FBLN1: variants seen among roughly 807,000 people sequenced by gnomAD.
FBLN1 encodes fibulin-1.
FBLN1 carries 34 observed loss-of-function variants against 89.7 expected under a neutral mutation model. That is an observed-to-expected ratio of 0.38 (90% confidence interval 0.29 to 0.50). The LOEUF is 0.50. Among genes scored for constraint, FBLN1 ranks in the 20% least tolerant of loss-of-function variants. FBLN1 has a pLI of 0.92. For missense variants in FBLN1, 777 were observed against 988.1 expected, an observed-to-expected ratio of 0.79 and a Z score of 2.86; for synonymous variants, 393 against 391.3, an observed-to-expected ratio of 1.00 and a Z score of -0.05.
intron 1 of FBLN1, among the ~76,000 whole-genome samples, chr22:45,515,551 G>A (rs1236605549): frequency 6.6e-6 from 1 of 152,210 alleles, no homozygotes; most frequent in Non-Finnish European, 1.5e-5. Flanking sequence ...GGCTACGGGA[G>A]CCTGCCCTTC....
Position 45,549,942 on chromosome 22 carries a change from T to C in FBLN1, c.1574-550T>C, listed in dbSNP as rs937188460. 1.3e-5 allele frequency among the ~76,000 whole-genome samples: 2 copies of C among 152,172 alleles called. No homozygotes were observed. The highest frequency in any genetic ancestry group is 4.8e-5 in the African/African-American group (2 of 41,444). On this transcript the variant is annotated intron_variant, in intron 13 of 16. Coordinates refer to ENST00000327858, the MANE Select transcript of FBLN1 (RefSeq NM_006486.3). The surrounding 1 kb of genome is among the most constrained non-coding windows in gnomAD (Gnocchi z 5.7). ...TCGAAGGCTGTTTTTCTCATTGTTG[T>C]GTGGAGCTAGCAGCTCCTGCCCTTT...
At chr22:45,535,061 A>G in intron 7 of FBLN1, 139 bp from the exon 8 acceptor site, 1 of 1,021,514 alleles carries the variant, frequency 9.8e-7, no homozygotes, top group Non-Finnish European at 1.5e-6. Flanking sequence ...TTTTTTGTGT[A>G]TGATTTCTCT....
At chr22:45,565,341 C>A in intron 14 of FBLN1, 1 of 1,181,562 alleles carries the variant, frequency 8.5e-7, no homozygotes, top group Non-Finnish European at 1.1e-6. Context: ...TGCACCTGCC[C>A]CACCCCAGCT....
At position 45,545,743 on chromosome 22, in the gene FBLN1, C is replaced by T. The variant is rs575682140; in HGVS notation, c.1322-1342C>T. 3.3e-5 allele frequency among the ~76,000 whole-genome samples: 5 copies of T among 152,244 alleles called. No individual in the cohort carries two copies. The South Asian group carries it at 8.3e-4, about 25-fold the overall frequency. ...AAACACGGGGTGGAAGGCTATTGGA[C>T]GTTCTGTGACAGCCACATAGTATAG... On this transcript the variant is annotated intron_variant, in intron 11 of 16. Transcript: ENST00000327858. This position sits in a 1 kb window ranked among gnomAD's most constrained non-coding sequence, Gnocchi z 5.9.
At position 45,533,109 on chromosome 22, in the gene FBLN1, G is replaced by A; in HGVS notation, c.591G>A (p.Val197=). 1 of 1,614,198 alleles carries A rather than the reference G, an allele frequency of 6.2e-7. No individual in the cohort carries two copies. The highest frequency in any genetic ancestry group is 8.5e-7 in the Non-Finnish European group (1 of 1,180,026). Residue 197 remains valine, a synonymous_variant, in exon 6 of 17, where the codon GTG becomes GTA. Transcript: ENST00000327858. ...KQQCRDTGDE[V]VCSCFVGYQL... is the part of the protein sequence containing the mutation. ...AGTGCCGAGACACGGGTGACGAGGTGGTCTGCTCCTGCTTCGTGGGCTACC... is the reference window on the plus strand; with the variant it reads ...AGTGCCGAGACACGGGTGACGAGGTAGTCTGCTCCTGCTTCGTGGGCTACC...
rs1483154968 is a variant in FBLN1 at position 45,577,131 on chromosome 22, T to A, written c.1972+23T>A. 1 of 1,613,256 alleles carries A rather than the reference T, an allele frequency of 6.2e-7. No individual in the cohort carries two copies. Among genetic ancestry groups the A allele is most frequent in the Non-Finnish European group, 8.5e-7 (1 of 1,179,866 alleles). On this transcript the variant is annotated intron_variant, in intron 16 of 16. Coordinates refer to ENST00000327858, the MANE Select transcript of FBLN1 (RefSeq NM_006486.3). The surrounding 1 kb of genome is among the most constrained non-coding windows in gnomAD (Gnocchi z 6.6). ...TGGGTGAGTGGCTGGGAATATCAGC[T>A]CTATCCAGGCACCCCTCCCCCTCCA...
At chr22:45,529,147 A>G (rs2238817) in intron 4 of FBLN1, among the ~76,000 whole-genome samples, 23,530 of 152,188 alleles carry the variant, frequency 0.15, 2,374 homozygotes, top group African/African-American at 0.29. Context: ...AAGATCGCAC[A>G]GCCGACACGT....
intron 16 of FBLN1, among the ~76,000 whole-genome samples, chr22:45,582,556 G>A (rs1254966973): frequency 3.3e-5 from 5 of 152,120 alleles, no homozygotes; most frequent in Non-Finnish European, 7.4e-5. Context: ...TCCTTTCCAG[G>A]ACCCCTCCCA....
At chr22:45,592,805 C>T (rs1250923807) in intron 16 of FBLN1, among the ~76,000 whole-genome samples, 1 of 152,160 alleles carries the variant, frequency 6.6e-6, no homozygotes, top group African/African-American at 2.4e-5. Flanking sequence ...AGCTCCTGGC[C>T]TCTCTGTTTC....
chr22:45,569,816 C>T (rs1983431493), intron 14 of FBLN1, among the ~76,000 whole-genome samples: 1 of 152,104 alleles, frequency 6.6e-6, no homozygotes, highest in Non-Finnish European at 1.5e-5. Context: ...GACTTTCAGC[C>T]TTCAGAACCA....
chr22:45,593,447 A>G (rs1161974134), intron 16 of FBLN1, among the ~76,000 whole-genome samples: 2 of 152,116 alleles, frequency 1.3e-5, no homozygotes, highest in Non-Finnish European at 2.9e-5. Flanking sequence ...GCTTAATTAT[A>G]TCTTTAAGAG....
At chr22:45,509,215 T>C (rs2088065853) in intron 1 of FBLN1, among the ~76,000 whole-genome samples, 1 of 151,856 alleles carries the variant, frequency 6.6e-6, no homozygotes, top group African/African-American at 2.4e-5. Flanking sequence ...TGGAGCAGGG[T>C]GGGATGTTGC....
At position 45,530,212 on chromosome 22, in the gene FBLN1, A is replaced by C. The variant is rs1383855041; in HGVS notation, c.485-1053A>C. On this transcript the variant is annotated intron_variant, in intron 4 of 16. Coordinates refer to ENST00000327858, the MANE Select transcript of FBLN1 (RefSeq NM_006486.3). The surrounding 1 kb of genome is among the most constrained non-coding windows in gnomAD (Gnocchi z 5.4). ...TTTTGAAATCAGAGACGACATTTTC[A>C]CTTTAAACAAACCCAAACCATTCCT... Among the ~76,000 whole-genome samples, 2 of 150,502 alleles carry C rather than the reference A, an allele frequency of 1.3e-5. No individual in the cohort carries two copies. Among genetic ancestry groups the C allele is most frequent in the African/African-American group, 2.5e-5 (1 of 40,776 alleles).
At chr22:45,571,604 G>A (rs116964462) in intron 14 of FBLN1, among the ~76,000 whole-genome samples, 14 of 152,224 alleles carry the variant, frequency 9.2e-5, no homozygotes, top group Non-Finnish European at 1.5e-5. Context: ...ATGGGATACT[G>A]CATGTCCTTG....
At chr22:45,599,225 C>T (rs1042100931) in intron 16 of FBLN1, among the ~76,000 whole-genome samples, 83 of 152,368 alleles carry the variant, frequency 5.4e-4, no homozygotes, top group African/African-American at 1.8e-3. Context: ...GAGCTCCCTG[C>T]AACCCCCAGC....
Position 45,563,015 on chromosome 22 carries a change from G to T in FBLN1, c.1698-11496G>T, listed in dbSNP as rs1270604579. On this transcript the variant is annotated intron_variant, in intron 14 of 16. Coordinates refer to ENST00000327858, the MANE Select transcript of FBLN1 (RefSeq NM_006486.3). The surrounding 1 kb of genome is among the most constrained non-coding windows in gnomAD (Gnocchi z 5.7). ...TTTCCCCACCAACATCCAAGCGCCC[G>T]CGGTGGTTTTCCGCATGGGCCCCTC... is the stretch of plus-strand genomic sequence containing the variant. 4.3e-6 allele frequency: 7 copies of T among 1,613,492 alleles called. No homozygotes were observed. The highest frequency in any genetic ancestry group is 5.1e-6 in the Non-Finnish European group (6 of 1,179,968).
At position 45,574,232 on chromosome 22, in the gene FBLN1, G is replaced by C. The variant is rs545693692; in HGVS notation, c.1698-279G>C. 6.6e-5 allele frequency among the ~76,000 whole-genome samples: 10 copies of C among 152,188 alleles called. No individual in the cohort carries two copies. The highest frequency in any genetic ancestry group is 2.4e-4 in the African/African-American group (10 of 41,440). Reference sequence around the variant, plus strand: ...CATTGTAGCTATTGATGCTCAATTCGTGCAGTTGACAAATGTCCAAGCTGT... The same window carrying C: ...CATTGTAGCTATTGATGCTCAATTCCTGCAGTTGACAAATGTCCAAGCTGT... On this transcript the variant is annotated intron_variant, in intron 14 of 16. Coordinates refer to ENST00000327858, the MANE Select transcript of FBLN1 (RefSeq NM_006486.3). This position sits in a 1 kb window ranked among gnomAD's most constrained non-coding sequence, Gnocchi z 4.1.
rs1569265737 is a variant in FBLN1, at chr22:45,583,803, T to C, written c.1972+6695T>C. 6.6e-6 allele frequency among the ~76,000 whole-genome samples: 1 copy of C among 150,758 alleles called. No homozygotes were observed. The highest frequency in any genetic ancestry group is 2.4e-5 in the African/African-American group (1 of 40,972). Reference sequence around the variant, plus strand: ...CCTGCAGCATGAGAGAGAGAGAGAATGAGAGAGAGAGACAGAGAGAGACCT... The same window carrying C: ...CCTGCAGCATGAGAGAGAGAGAGAACGAGAGAGAGAGACAGAGAGAGACCT... On this transcript the variant is annotated intron_variant, in intron 16 of 16. Transcript: ENST00000327858. This position sits in a 1 kb window ranked among gnomAD's most constrained non-coding sequence, Gnocchi z 4.5.
chr22:45,507,048 G>A (rs779325352), intron 1 of FBLN1, among the ~76,000 whole-genome samples: 1 of 152,168 alleles, frequency 6.6e-6, no homozygotes, highest in Non-Finnish European at 1.5e-5. Flanking sequence ...AGGGTGGGAG[G>A]GGGGAACCAC....
Sources: allele counts gnomAD v4.1 joint callset (sites outside exome capture counted in the v4.1 genomes callset), GRCh38; gene constraint gnomAD v4.1.1; non-coding constraint Gnocchi (gnomAD v3.1); transcripts MANE v1.5; gene names NCBI Gene and HGNC (gene_info 2026-07-23, HGNC 2026-07-21).